Variants in CDH13 observed in about 807,000 individuals in gnomAD.
The protein encoded by CDH13 is cadherin-13.
Under a neutral mutation model 63.8 loss-of-function variants are expected in CDH13, and 24 were observed. The observed-to-expected ratio is 0.38, with a 90% confidence interval of 0.27 to 0.53. The LOEUF (loss-of-function observed/expected upper bound fraction) is 0.53. Among genes scored for constraint, CDH13 ranks in the 20% least tolerant of loss-of-function variants. The probability of loss-of-function intolerance (pLI) is 0.85; values close to 1 mark genes in which losing one functional copy is unlikely to be tolerated. For synonymous variants in CDH13, 503 were observed against 355.3 expected (o/e 1.42, Z -4.67); for missense variants, 1,049 against 903.1 (o/e 1.16, Z -2.07).
chr16:83,758,097 A>G (rs1163707274), intron 11 of CDH13, among the ~76,000 whole-genome samples: 1 of 149,740 alleles, frequency 6.7e-6, no homozygotes, highest in Non-Finnish European at 1.5e-5. Flanking sequence ...AAAAAAAAAA[A>G]TGTTCTTGAA....
chr16:82,661,235 T>C (rs1567600163), intron 1 of CDH13, among the ~76,000 whole-genome samples: 1 of 152,240 alleles, frequency 6.6e-6, no homozygotes, highest in Non-Finnish European at 1.5e-5. Flanking sequence ...TGTAATGAGA[T>C]AGTCCTGAGG....
intron 1 of CDH13, among the ~76,000 whole-genome samples, chr16:82,700,703 C>T (rs1190087031): frequency 6.6e-6 from 1 of 152,042 alleles, no homozygotes; most frequent in East Asian, 1.9e-4. Flanking sequence ...CACAGCTTCT[C>T]ATCCTGTTTT....
intron 1 of CDH13, among the ~76,000 whole-genome samples, chr16:82,710,069 C>A (rs867352952): frequency 1.3e-5 from 2 of 150,416 alleles, no homozygotes; most frequent in African/African-American, 4.9e-5. Flanking sequence ...ACACTACACA[C>A]ACACATACAC....
At chr16:83,573,453 G>T (rs2074138185) in intron 7 of CDH13, among the ~76,000 whole-genome samples, 1 of 152,162 alleles carries the variant, frequency 6.6e-6, no homozygotes, top group African/African-American at 2.4e-5. Context: ...ACTAGAGGAA[G>T]GACAGTGACC....
chr16:82,815,173 A>G (rs1198842929), intron 1 of CDH13, among the ~76,000 whole-genome samples: 1 of 152,140 alleles, frequency 6.6e-6, no homozygotes, highest in African/African-American at 2.4e-5. Context: ...TGGTTAGCAG[A>G]CAGCTCTGTA....
intron 6 of CDH13, among the ~76,000 whole-genome samples, chr16:83,458,536 C>T (rs187779635): frequency 6.6e-6 from 1 of 152,292 alleles, no homozygotes; most frequent in Non-Finnish European, 1.5e-5. Context: ...CATCTTATAA[C>T]TCATCTCCCC....
chr16:82,911,747 C>G (rs1362270339), intron 2 of CDH13, among the ~76,000 whole-genome samples: 2 of 152,100 alleles, frequency 1.3e-5, no homozygotes, highest in Admixed American at 6.5e-5. Context: ...AATGGCCATC[C>G]ATTGTCTGCT....
At chr16:83,122,993 T>C (rs1171555696) in intron 3 of CDH13, among the ~76,000 whole-genome samples, 2 of 152,088 alleles carry the variant, frequency 1.3e-5, no homozygotes, top group Non-Finnish European at 2.9e-5. Context: ...CAAGTACCCA[T>C]TGTTGAGCTC....
chr16:83,075,503 T>A (rs8061985), intron 3 of CDH13, among the ~76,000 whole-genome samples: 1 of 151,998 alleles, frequency 6.6e-6, no homozygotes, highest in African/African-American at 2.4e-5. Context: ...AAGATTGTTG[T>A]GGATGCAAAG....
At chr16:83,078,476 C>T (rs1019678109) in intron 3 of CDH13, among the ~76,000 whole-genome samples, 8 of 152,208 alleles carry the variant, frequency 5.3e-5, no homozygotes, top group African/African-American at 1.4e-4. Context: ...GTACTTTGTA[C>T]TCCTATAAGA....
At chr16:82,670,859 G>A (rs1913156555) in intron 1 of CDH13, among the ~76,000 whole-genome samples, 1 of 152,168 alleles carries the variant, frequency 6.6e-6, no homozygotes, top group Non-Finnish European at 1.5e-5. Context: ...TAGTACCTGA[G>A]ATATAAACAA....
At chr16:83,129,936 T>C (rs2035977139) in intron 4 of CDH13, among the ~76,000 whole-genome samples, 1 of 152,218 alleles carries the variant, frequency 6.6e-6, no homozygotes, top group South Asian at 2.1e-4. Flanking sequence ...TCTCATGTCC[T>C]GGGCTTTTGA....
intron 7 of CDH13, among the ~76,000 whole-genome samples, chr16:83,488,837 C>G (rs900818715): frequency 6.6e-6 from 1 of 152,140 alleles, no homozygotes; most frequent in African/African-American, 2.4e-5. Flanking sequence ...ATTGGTCAGG[C>G]TTGTCCCAAA....
At chr16:83,241,518 C>G (rs909175364) in intron 5 of CDH13, among the ~76,000 whole-genome samples, 1 of 152,146 alleles carries the variant, frequency 6.6e-6, no homozygotes, top group African/African-American at 2.4e-5. Flanking sequence ...TGATAGTGGA[C>G]ATTTTAATGG....
At chr16:82,635,094 T>A (rs1321771820) in intron 1 of CDH13, among the ~76,000 whole-genome samples, 1 of 152,230 alleles carries the variant, frequency 6.6e-6, no homozygotes, top group Non-Finnish European at 1.5e-5. Context: ...ATATTTTGCC[T>A]AGGTGTTCTT....
intron 3 of CDH13, among the ~76,000 whole-genome samples, chr16:83,087,105 A>G (rs893050443): frequency 8.5e-5 from 13 of 152,224 alleles, no homozygotes; most frequent in African/African-American, 2.9e-4. Flanking sequence ...TCAATGAACC[A>G]AATAGTTGAC....
chr16:82,819,842 C>T (rs1236787714), intron 1 of CDH13, among the ~76,000 whole-genome samples: 2 of 152,094 alleles, frequency 1.3e-5, no homozygotes, highest in African/African-American at 4.8e-5. Context: ...GAAGAGACAA[C>T]TAATATATAA....
At chr16:82,978,155 T>A (rs1909780335) in intron 2 of CDH13, among the ~76,000 whole-genome samples, 1 of 152,110 alleles carries the variant, frequency 6.6e-6, no homozygotes, top group African/African-American at 2.4e-5. Flanking sequence ...CTTCAAGAGG[T>A]GGCTTGGGTG....
At chr16:82,667,332 G>A (rs7187773) in intron 1 of CDH13, among the ~76,000 whole-genome samples, 3 of 152,282 alleles carry the variant, frequency 2.0e-5, no homozygotes, top group African/African-American at 7.2e-5. Flanking sequence ...GGAGGCTTGC[G>A]AAGGCGCGTA....
Sources: allele counts gnomAD v4.1 joint callset (sites outside exome capture counted in the v4.1 genomes callset), GRCh38; gene constraint gnomAD v4.1.1; transcripts MANE v1.5; gene names NCBI Gene and HGNC (gene_info 2026-07-23, HGNC 2026-07-21).